Variants in HIP1 observed in about 807,000 individuals in gnomAD.
HIP1 encodes huntingtin interacting protein 1.
In HIP1, 65 loss-of-function variants were observed where a neutral mutation model predicts 147.6. The observed-to-expected ratio is 0.44, with a 90% confidence interval of 0.36 to 0.54. The LOEUF (loss-of-function observed/expected upper bound fraction) is 0.54. Among genes scored for constraint, HIP1 ranks in the 20% least tolerant of loss-of-function variants. The pLI is 0.00. For synonymous variants in HIP1, 479 were observed against 504.0 expected, an observed-to-expected ratio of 0.95 and a Z score of 0.67; for missense variants, 1,061 against 1,299.6, an observed-to-expected ratio of 0.82 and a Z score of 2.82.
At chr7:75,700,496 C>G (rs763987113) in intron 1 of HIP1, among the ~76,000 whole-genome samples, 3 of 152,088 alleles carry the variant, frequency 2.0e-5, no homozygotes, top group African/African-American at 4.8e-5. Flanking sequence ...CCTCAAGGGA[C>G]CAAGCAGAGT....
At position 75,680,921 on chromosome 7, in the gene HIP1, G is replaced by A. The variant is rs186946390; in HGVS notation, c.120+57880C>T. Among the ~76,000 whole-genome samples, 881 of 152,136 alleles carry A rather than the reference G, an allele frequency of 5.8e-3. 8 individuals carry two copies. The highest frequency in any genetic ancestry group is 0.019 in the African/African-American group (799 of 41,512). ...CTCCCGAGTAGCTGGGACTACAGGC[G>A]CCCACCACCACACCTGGCTAATTTT... On this transcript the variant is annotated intron_variant, in intron 1 of 30. Transcript: ENST00000336926.
chr7:75,695,574 TTTG>T (rs3216945), intron 1 of HIP1, among the ~76,000 whole-genome samples: 1 of 148,606 alleles, frequency 6.7e-6, no homozygotes, highest in Admixed American at 6.7e-5. Context: ...ACCAGTTTTT[TTTG>T]TTGTTGTCTG....
At chr7:75,612,504 T>A (rs782106548) in intron 1 of HIP1, among the ~76,000 whole-genome samples, 1 of 145,684 alleles carries the variant, frequency 6.9e-6, no homozygotes, top group African/African-American at 2.6e-5. Flanking sequence ...AGAAACTCTG[T>A]CTCACAAAAA....
rs587725852 is a variant in HIP1 at position 75,573,654 on chromosome 7, C to T, written c.745+107G>A. 205 of 1,157,672 alleles carry T rather than the reference C, an allele frequency of 1.8e-4. 1 individual carries two copies. In the African/African-American group the frequency reaches 2.9e-3, roughly 17 times the overall value. The allele number at this position is 1,157,672 out of a possible 1,614,324, so 71.7% of individuals were successfully genotyped here. ...CGGGGCCTTTTGGAACAGAAGCAGA[C>T]AGCCAAAGGCACTGAGAAGGACTGC... On this transcript the variant is annotated intron_variant, in intron 8 of 30. Coordinates refer to ENST00000336926, the MANE Select transcript of HIP1 (RefSeq NM_005338.7).
At chr7:75,707,557 C>T (rs574342415) in intron 1 of HIP1, among the ~76,000 whole-genome samples, 103 of 150,256 alleles carry the variant, frequency 6.9e-4, no homozygotes, top group South Asian at 1.5e-3. Flanking sequence ...GAGTAGGTTG[C>T]AAAAATTTTC....
intron 1 of HIP1, among the ~76,000 whole-genome samples, chr7:75,602,494 CTTTTTTTTTTTTTTT>C (rs60265858): frequency 2.8e-5 from 2 of 71,482 alleles, no homozygotes; most frequent in African/African-American, 7.6e-5. Flanking sequence ...CAGATATGCT[CTTTTTTTTTTTTTTT>C]TTTTTTTTTT....
chr7:75,732,886 C>T (rs782491411), intron 1 of HIP1, among the ~76,000 whole-genome samples: 1 of 152,166 alleles, frequency 6.6e-6, no homozygotes, highest in African/African-American at 2.4e-5. Flanking sequence ...GCTGGTGTTT[C>T]GGGGCCTGAC....
intron 1 of HIP1, among the ~76,000 whole-genome samples, chr7:75,660,451 C>T (rs1799276111): frequency 6.6e-6 from 1 of 151,968 alleles, no homozygotes; most frequent in South Asian, 2.1e-4. Context: ...TGCTTGAACC[C>T]ACGAGGCAGA....
At chr7:75,623,171 C>T (rs1475232899) in intron 1 of HIP1, among the ~76,000 whole-genome samples, 1 of 137,210 alleles carries the variant, frequency 7.3e-6, no homozygotes, top group African/African-American at 2.9e-5. Context: ...GCACTCCAGC[C>T]TGGGCAACAG....
chr7:75,613,769 A>G (rs1554505467), intron 1 of HIP1, among the ~76,000 whole-genome samples: 2 of 152,206 alleles, frequency 1.3e-5, no homozygotes, highest in African/African-American at 2.4e-5. Context: ...TCTGTTGCCC[A>G]GGCTGGAGTA....
chr7:75,551,214 T>C (rs1794770608), intron 22 of HIP1, among the ~76,000 whole-genome samples: 1 of 132,944 alleles, frequency 7.5e-6, no homozygotes, highest in Non-Finnish European at 1.6e-5. Context: ...TTTTTTTTTT[T>C]TGAGGCAGTG....
At chr7:75,698,727 G>A (rs1800716460) in intron 1 of HIP1, among the ~76,000 whole-genome samples, 1 of 151,978 alleles carries the variant, frequency 6.6e-6, no homozygotes, top group Non-Finnish European at 1.5e-5. Context: ...GGCTGAGGGA[G>A]GAGGAATACT....
At chr7:75,550,449 T>C (rs1794740384) in intron 22 of HIP1, among the ~76,000 whole-genome samples, 1 of 152,214 alleles carries the variant, frequency 6.6e-6, no homozygotes, top group Admixed American at 6.5e-5. Context: ...TAAAAGCCTG[T>C]TGCCCAGGCT....
intron 1 of HIP1, among the ~76,000 whole-genome samples, chr7:75,720,089 A>G (rs1554521065): frequency 6.6e-6 from 1 of 151,970 alleles, no homozygotes; most frequent in African/African-American, 2.4e-5. Flanking sequence ...AGTGGTGGGG[A>G]CTCTGGCAAA....
rs1794013658 is a variant in HIP1, at chr7:75,534,556, C to T, written c.*3616G>A. 5.7e-6 allele frequency: 1 copy of T among 176,268 alleles called. No homozygotes were observed. The highest frequency in any genetic ancestry group is 2.4e-5 in the African/African-American group (1 of 42,168). The allele number at this position is 176,268 out of a possible 1,614,324, so 10.9% of individuals were successfully genotyped here. Reference sequence around the variant, plus strand: ...TCAAGTGATTCTCCTGCCTCAGCCTCCCCAGTAGCTGGGATTATAGGCGCC... The same window carrying T: ...TCAAGTGATTCTCCTGCCTCAGCCTTCCCAGTAGCTGGGATTATAGGCGCC... On this transcript the variant is annotated 3_prime_UTR_variant, in exon 31 of 31. Coordinates refer to ENST00000336926, the MANE Select transcript of HIP1 (RefSeq NM_005338.7).
chr7:75,681,994 G>T (rs1800091708), intron 1 of HIP1, among the ~76,000 whole-genome samples: 1 of 143,804 alleles, frequency 7.0e-6, no homozygotes, highest in East Asian at 2.1e-4. Flanking sequence ...TGGTATGAAA[G>T]CTATTTATCT....
Position 75,592,529 on chromosome 7 carries a change from T to C in HIP1, c.185-15A>G. ...CAGTATGCACGGTGAGGGGGGGTTATGGAAAACAACGGATGGGCTCTGCCA... is the reference window on the plus strand; with the variant it reads ...CAGTATGCACGGTGAGGGGGGGTTACGGAAAACAACGGATGGGCTCTGCCA... On this transcript the variant is annotated splice_polypyrimidine_tract_variant and intron_variant, in intron 2 of 30. Transcript: ENST00000336926. 1 of 1,607,284 alleles carries C rather than the reference T, an allele frequency of 6.2e-7. No individual in the cohort carries two copies. The highest frequency in any genetic ancestry group is 8.5e-7 in the Non-Finnish European group (1 of 1,178,496).
At chr7:75,616,030 G>A (rs1797641140) in intron 1 of HIP1, among the ~76,000 whole-genome samples, 1 of 126,036 alleles carries the variant, frequency 7.9e-6, no homozygotes, top group Non-Finnish European at 1.6e-5. Context: ...AGGTTGCAGT[G>A]AGCTGAGATC....
intron 7 of HIP1, among the ~76,000 whole-genome samples, chr7:75,576,088 A>G (rs1286445828): frequency 6.6e-6 from 1 of 152,092 alleles, no homozygotes; most frequent in African/African-American, 2.4e-5. Context: ...GATTCCTGAT[A>G]CCTTCCAGGA....
Sources: allele counts gnomAD v4.1 joint callset (sites outside exome capture counted in the v4.1 genomes callset), GRCh38; gene constraint gnomAD v4.1.1; transcripts MANE v1.5; gene names NCBI Gene and HGNC (gene_info 2026-07-23, HGNC 2026-07-21).